Variants in RANBP9 observed in about 807,000 individuals in gnomAD.
The protein encoded by RANBP9 is RAN binding protein 9, also known as ran-binding protein 9.
In RANBP9, 15 loss-of-function variants were observed where a neutral mutation model predicts 84.3. The ratio of observed to expected loss-of-function variants is 0.18; its 90% CI spans 0.12 to 0.27. The LOEUF is 0.27. RANBP9 is among the 10% of genes least tolerant of loss of function. RANBP9 has a pLI of 1.00. For missense variants in RANBP9, 809 were observed against 912.8 expected, an observed-to-expected ratio of 0.89 and a Z score of 1.46; for synonymous variants, 392 against 349.6, an observed-to-expected ratio of 1.12 and a Z score of -1.35.
In RANBP9 at chr6:13,700,493, T is replaced by G. The variant is rs879710614; in HGVS notation, c.572-3597A>C. Among the ~76,000 whole-genome samples the G allele has an allele frequency of 7.9e-5, 12 of 151,222 alleles. No homozygotes were observed. The East Asian group carries it at 2.3e-3, about 29-fold the overall frequency. The stretch of plus-strand genomic sequence containing the variant: ...ACCTTTCCTTCTTAGCCTGAGTAGG[T>G]AGGTCCTACTCACACTTTAAATCTT... On this transcript the variant is annotated intron_variant, in intron 1 of 13. Transcript: ENST00000011619.
rs529246018 is a variant in RANBP9, at chr6:13,658,848, G to T, written c.684-16C>A. The T allele has an allele frequency of 6.4e-4, 1,000 of 1,552,542 alleles. 6 individuals carry two copies. The African/African-American group carries it at 0.013, about 20-fold the overall frequency. On this transcript the variant is annotated splice_polypyrimidine_tract_variant and intron_variant, in intron 2 of 13. Transcript: ENST00000011619. ...TCCCATGTAACTGTTGGCGGAGGTT[G>T]GGGGAGAGAAGAAAAGGACATTATT...
intron 2 of RANBP9, among the ~76,000 whole-genome samples, chr6:13,685,210 A>G (rs939660647): frequency 6.6e-6 from 1 of 152,260 alleles, no homozygotes; most frequent in Non-Finnish European, 1.5e-5. Context: ...AAGAGTATTT[A>G]GAATAGTGAA....
At chr6:13,631,466 TGTA>T (rs1157804422) in intron 12 of RANBP9, among the ~76,000 whole-genome samples, 1 of 152,232 alleles carries the variant, frequency 6.6e-6, no homozygotes, top group East Asian at 1.9e-4. Flanking sequence ...CATATCCTTG[TGTA>T]TCATGTCGGC....
intron 10 of RANBP9, among the ~76,000 whole-genome samples, chr6:13,637,275 A>G (rs1764959665): frequency 6.6e-6 from 1 of 152,234 alleles, no homozygotes; most frequent in Non-Finnish European, 1.5e-5. Flanking sequence ...AATGTTTACT[A>G]AATGACTTAA....
intron 2 of RANBP9, among the ~76,000 whole-genome samples, chr6:13,665,338 A>C (rs139239825): frequency 1.3e-5 from 2 of 152,308 alleles, no homozygotes; most frequent in African/African-American, 4.8e-5. Context: ...GTCTGAATAG[A>C]TATTTCACAA....
chr6:13,632,462 T>C lies in RANBP9; in HGVS notation c.1855A>G (p.Arg619Gly). Residue 619 changes from arginine (R) to glycine (G), a missense_variant, in exon 12 of 14, where the codon AGA (arginine) becomes GGA (glycine). Around this residue, in one of 5 missense-constraint regions of RANBP9, gnomAD observed 233 missense variants for 234.4 expected, o/e 0.99. Transcript: ENST00000011619. The part of the protein sequence containing the change: ...LCGGSQAAIE[R>G]MIHFGRELQA... ...AGCTCTCGTCCAAAGTGGATCATTCTTTCTATGGCGGCCTGACTTCCTCCA... is the reference window on the plus strand; with the variant it reads ...AGCTCTCGTCCAAAGTGGATCATTCCTTCTATGGCGGCCTGACTTCCTCCA... 6.2e-7 allele frequency: 1 copy of C among 1,614,062 alleles called. No homozygotes were observed. Among genetic ancestry groups the C allele is most frequent in the Non-Finnish European group, 8.5e-7 (1 of 1,179,932 alleles).
At chr6:13,675,673 A>G (rs902081663) in intron 2 of RANBP9, among the ~76,000 whole-genome samples, 32 of 151,784 alleles carry the variant, frequency 2.1e-4, no homozygotes, top group Admixed American at 1.1e-3. Context: ...AATCAACAAA[A>G]TTAAAAGCCA....
chr6:13,668,179 A>C (rs925632865), intron 2 of RANBP9, among the ~76,000 whole-genome samples: 1 of 152,144 alleles, frequency 6.6e-6, no homozygotes, highest in African/African-American at 2.4e-5. Flanking sequence ...TGAACAATGA[A>C]TTACATAACC....
chr6:13,661,902 G>T (rs1047874293), intron 2 of RANBP9, among the ~76,000 whole-genome samples: 9 of 152,084 alleles, frequency 5.9e-5, no homozygotes, highest in Non-Finnish European at 1.2e-4. Flanking sequence ...AACTGATGAC[G>T]AAAAACAATG....
chr6:13,667,025 A>T (rs963904915), intron 2 of RANBP9, among the ~76,000 whole-genome samples: 28 of 152,156 alleles, frequency 1.8e-4, no homozygotes, highest in African/African-American at 6.3e-4. Flanking sequence ...AACAAACTCA[A>T]TCCAACAGTG....
intron 2 of RANBP9, among the ~76,000 whole-genome samples, chr6:13,664,254 T>C (rs1009643222): frequency 1.3e-5 from 2 of 152,048 alleles, no homozygotes; most frequent in African/African-American, 4.8e-5. Context: ...CAATTCTATC[T>C]ACAACAGCAT....
At chr6:13,682,082 G>T (rs1016331087) in intron 2 of RANBP9, among the ~76,000 whole-genome samples, 11 of 151,878 alleles carry the variant, frequency 7.2e-5, no homozygotes, top group African/African-American at 2.7e-4. Context: ...GGCTGGTCTC[G>T]AACTCCTGAC....
intron 2 of RANBP9, among the ~76,000 whole-genome samples, chr6:13,672,243 T>C (rs1400201122): frequency 6.6e-6 from 1 of 152,082 alleles, no homozygotes; most frequent in African/African-American, 2.4e-5. Flanking sequence ...CCCTCTAACC[T>C]GCCTGAGAGG....
intron 5 of RANBP9, among the ~76,000 whole-genome samples, chr6:13,646,673 T>C (rs1054744703): frequency 1.2e-4 from 19 of 152,178 alleles, no homozygotes; most frequent in Admixed American, 2.6e-4. Context: ...ATGAATTCTC[T>C]GATAAAACTA....
At chr6:13,660,169 T>C (rs1765508370) in intron 2 of RANBP9, among the ~76,000 whole-genome samples, 1 of 152,170 alleles carries the variant, frequency 6.6e-6, no homozygotes, top group African/African-American at 2.4e-5. Context: ...AAAAGCTGTA[T>C]ATAAATGGAT....
intron 8 of RANBP9, among the ~76,000 whole-genome samples, chr6:13,640,044 A>G (rs1451625822): frequency 6.6e-6 from 1 of 152,170 alleles, no homozygotes; most frequent in Non-Finnish European, 1.5e-5. Flanking sequence ...TTTTTTGGCT[A>G]CAAGTAATTT....
In RANBP9 at chr6:13,622,483, T is replaced by C. The variant is rs544635680; in HGVS notation, c.2069A>G (p.Asn690Ser). 1.2e-5 allele frequency: 19 copies of C among 1,570,166 alleles called. No homozygotes were observed. Among genetic ancestry groups the C allele is most frequent in the South Asian group, 4.7e-5 (4 of 84,456 alleles). The part of the protein sequence containing the change: ...ALNSAILETH[N>S]LPKQPPLALA... ...GGCAAGTGGAGGTTGCTTTGGCAGA[T>C]TGTGGGTTTCTGAGGAAAAATAATT... Residue 690 changes from asparagine (N) to serine (S), a missense_variant, in exon 14 of 14, where the codon AAT (asparagine) becomes AGT (serine). Asn to Ser is a conservative substitution (Grantham distance 46). Coordinates refer to ENST00000011619, the MANE Select transcript of RANBP9 (RefSeq NM_005493.3).
At chr6:13,637,465 T>C (rs1764965579) in intron 10 of RANBP9, among the ~76,000 whole-genome samples, 2 of 152,244 alleles carry the variant, frequency 1.3e-5, no homozygotes, top group African/African-American at 2.4e-5. Context: ...TACTGTGTCT[T>C]AACCACTGTG....
intron 12 of RANBP9, among the ~76,000 whole-genome samples, chr6:13,627,472 A>C: frequency 6.6e-6 from 1 of 151,778 alleles, no homozygotes; most frequent in East Asian, 1.9e-4. Flanking sequence ...TCCACTAAAA[A>C]TACAAAAATT....
Sources: gnomAD v4.1 joint callset for allele counts (sites outside exome capture counted in the v4.1 genomes callset) on GRCh38, gnomAD v4.1.1 for gene constraint, gnomAD v4.1.1 regional missense constraint, MANE v1.5 for transcripts, NCBI Gene and HGNC (gene_info 2026-07-23, HGNC 2026-07-21) for gene names.